Variants in DLEC1 observed in about 807,000 individuals in gnomAD.
DLEC1 encodes deleted in lung and esophageal cancer protein 1.
A neutral mutation model predicts 198.1 loss-of-function variants in DLEC1; 146 were observed. That is an observed-to-expected ratio of 0.74 (90% CI 0.64 to 0.85). The LOEUF is 0.85. Ranked by LOEUF, DLEC1 falls within the 40% of genes least tolerant of loss-of-function variation. The pLI is 0.00. For missense variants in DLEC1, 2,233 were observed against 2,220.0 expected, an observed-to-expected ratio of 1.01 and a Z score of -0.12; for synonymous variants, 897 against 866.8, an observed-to-expected ratio of 1.03 and a Z score of -0.61.
intron 1 of DLEC1, among the ~76,000 whole-genome samples, chr3:38,042,096 G>A (rs1443352778): frequency 1.3e-5 from 2 of 151,964 alleles, no homozygotes; most frequent in Admixed American, 6.6e-5. Flanking sequence ...GGGTTCAAGC[G>A]ATTCTCCTGC....
intron 7 of DLEC1, among the ~76,000 whole-genome samples, chr3:38,084,894 G>GC: frequency 6.6e-6 from 1 of 152,156 alleles, no homozygotes; most frequent in Middle Eastern, 3.4e-3. Flanking sequence ...CTCAGCAGCA[G>GC]CCCCCCAGCC....
intron 26 of DLEC1, among the ~76,000 whole-genome samples, 191 bp from the exon 27 acceptor site, chr3:38,114,792 G>A (rs923492823): frequency 3.9e-5 from 6 of 152,184 alleles, no homozygotes; most frequent in Non-Finnish European, 7.4e-5. Context: ...CCAGGGCACA[G>A]GGCAGCCCCA....
At chr3:38,057,803 T>C (rs1184512104) in intron 2 of DLEC1, among the ~76,000 whole-genome samples, 1 of 149,738 alleles carries the variant, frequency 6.7e-6, no homozygotes, top group East Asian at 2.0e-4. Context: ...ACTTGGATAC[T>C]CACTGTATTA....
At chr3:38,057,116 A>C (rs1481272290) in intron 2 of DLEC1, among the ~76,000 whole-genome samples, 2 of 152,244 alleles carry the variant, frequency 1.3e-5, no homozygotes, top group Non-Finnish European at 2.9e-5. Context: ...GAGACAGCTC[A>C]GGGGTGCATC....
chr3:38,082,161 C>T (rs1415119941), intron 6 of DLEC1, among the ~76,000 whole-genome samples: 13 of 143,354 alleles, frequency 9.1e-5, no homozygotes, highest in East Asian at 4.3e-4. Flanking sequence ...CCAGATGGGG[C>T]GGCGGGGCAG....
intron 10 of DLEC1, among the ~76,000 whole-genome samples, chr3:38,091,860 G>A (rs1698760167): frequency 6.6e-6 from 1 of 152,128 alleles, no homozygotes; most frequent in South Asian, 2.1e-4. Context: ...GGTAAGTGTT[G>A]GCGAGGATGT....
intron 1 of DLEC1, 25 bp downstream of exon 1, chr3:38,039,661 T>A (rs1310644427): frequency 6.3e-7 from 1 of 1,576,848 alleles, no homozygotes; most frequent in Non-Finnish European, 8.6e-7. Context: ...GCGTCGCGTC[T>A]GCGGACGGTG....
Position 38,063,857 on chromosome 3 carries a change from G to T in DLEC1, c.1111G>T (p.Val371Leu). The T allele has an allele frequency of 6.2e-7, 1 of 1,613,546 alleles. No homozygotes were observed. Among genetic ancestry groups the T allele is most frequent in the Non-Finnish European group, 8.5e-7 (1 of 1,179,682 alleles). Residue 371 changes from valine to leucine, a missense_variant, in exon 6 of 37, where the codon GTG becomes TTG. Transcript: ENST00000308059. ...ATCCCACAGTTGTGCTGATACTCCA[G>T]TGTTTCTAGCTAAGCCACCAATTGG... is the stretch of plus-strand genomic sequence containing the variant. ...EPEQSCADTP[V>L]FLAKPPIGFF...
chr3:38,079,759 G>C (rs1339589408), intron 6 of DLEC1, among the ~76,000 whole-genome samples: 1 of 152,180 alleles, frequency 6.6e-6, no homozygotes, highest in African/African-American at 2.4e-5. Context: ...GGGGGAGGAG[G>C]TTCTGGAGGA....
chr3:38,086,153 T>G, intron 8 of DLEC1, 88 bp from the exon 9 acceptor site: 4 of 1,511,956 alleles, frequency 2.6e-6, no homozygotes, highest in Non-Finnish European at 3.6e-6. Flanking sequence ...TGTCCTGATC[T>G]CTGGCTGTAC....
Position 38,084,236 on chromosome 3 carries a change from C to G in DLEC1, c.1252C>G (p.Leu418Val). The G allele has an allele frequency of 6.2e-7, 1 of 1,612,306 alleles. No individual in the cohort carries two copies. Among genetic ancestry groups the G allele is most frequent in the Non-Finnish European group, 8.5e-7 (1 of 1,178,950 alleles). The change falls in exon 7 of 37, where the codon CTG becomes GTG. Residue 418 changes from leucine (L) to valine (V), a missense_variant. Leu to Val is a conservative substitution (Grantham distance 32). Transcript: ENST00000308059. ...VLPPSTPYFA[L>V]GLGMFPGKGG... The stretch of plus-strand genomic sequence containing the variant: ...CCCGCCTTCCACGCCATACTTCGCT[C>G]TGGGACTGGGTAAGTTCAGTATTTG...
rs1317003814 is a variant in DLEC1, at chr3:38,096,674, G to A, written c.2277G>A (p.Glu759=). ...TAGAACCTTTCCAGGTTCTCTTAGAGCCATATGCCCTCATCATCCCAGGGG... is the reference window on the plus strand; with the variant it reads ...TAGAACCTTTCCAGGTTCTCTTAGAACCATATGCCCTCATCATCCCAGGGG... ...GSVEPFQVLL[E]PYALIIPGEN... The change falls in exon 15 of 37, where the codon GAG becomes GAA. Residue 759 remains glutamate (E), a synonymous_variant. Transcript: ENST00000308059. 6.2e-7 allele frequency: 1 copy of A among 1,613,550 alleles called. No homozygotes were observed. Among genetic ancestry groups the A allele is most frequent in the Non-Finnish European group, 8.5e-7 (1 of 1,179,990 alleles).
At chr3:38,048,333 G>C (rs1700969488) in intron 2 of DLEC1, among the ~76,000 whole-genome samples, 1 of 152,142 alleles carries the variant, frequency 6.6e-6, no homozygotes, top group Admixed American at 6.5e-5. Flanking sequence ...GAAAATTCTT[G>C]AAAATTATCA....
intron 1 of DLEC1, among the ~76,000 whole-genome samples, chr3:38,039,956 G>T (rs1700578217): frequency 6.6e-6 from 1 of 152,218 alleles, no homozygotes; most frequent in African/African-American, 2.4e-5. Context: ...TCCATGGAGA[G>T]GATAAAGCCA....
chr3:38,115,676 G>A (rs1700116707), intron 27 of DLEC1, among the ~76,000 whole-genome samples: 1 of 152,150 alleles, frequency 6.6e-6, no homozygotes, highest in Non-Finnish European at 1.5e-5. Flanking sequence ...GGGAGGGGAA[G>A]ATGGGTTCGA....
In DLEC1 at chr3:38,052,939, G is replaced by A. The variant is rs372475003; in HGVS notation, c.563-6803G>A. Among the ~76,000 whole-genome samples, 19 of 152,334 alleles carry A rather than the reference G, an allele frequency of 1.2e-4. No individual in the cohort carries two copies. The East Asian group carries it at 1.4e-3, about 11-fold the overall frequency. ...CGAGTGCCTGAGATTGCAGGGGCGCGCCGCCACGCCTGACTGGTTTTCGTA... is the reference window on the plus strand; with the variant it reads ...CGAGTGCCTGAGATTGCAGGGGCGCACCGCCACGCCTGACTGGTTTTCGTA... On this transcript the variant is annotated intron_variant, in intron 2 of 36. Transcript: ENST00000308059.
At chr3:38,095,749 G>T (rs1270750334) in intron 13 of DLEC1, 139 bp from the exon 14 acceptor site, 46 of 1,056,936 alleles carry the variant, frequency 4.4e-5, no homozygotes, top group Non-Finnish European at 6.5e-5. Context: ...GAGGCAGCAG[G>T]GAAGCAACCC....
At position 38,094,750 on chromosome 3, in the gene DLEC1, G is replaced by C; in HGVS notation, c.1920-129G>C. The C allele has an allele frequency of 1.0e-5, 11 of 1,084,516 alleles. No individual in the cohort carries two copies. The South Asian group carries it at 1.1e-4, about 11-fold the overall frequency. The allele number at this position is 1,084,516 out of a possible 1,614,324, so 67.2% of individuals were successfully genotyped here. ...GGTCCTCCATTGGAAGGGTGTGAAG[G>C]CTGACCTGGTTTCTTCCTGTTCCTA... is the stretch of plus-strand genomic sequence containing the variant. On this transcript the variant is annotated intron_variant, in intron 12 of 36. Transcript: ENST00000308059.
At chr3:38,068,107 A>C (rs1475238215) in intron 6 of DLEC1, among the ~76,000 whole-genome samples, 1 of 152,140 alleles carries the variant, frequency 6.6e-6, no homozygotes. Context: ...AGATTGCATC[A>C]CATTTTATGA....
Sources: gnomAD v4.1 joint callset for allele counts (sites outside exome capture counted in the v4.1 genomes callset) on GRCh38, gnomAD v4.1.1 for gene constraint, MANE v1.5 for transcripts, NCBI Gene and HGNC (gene_info 2026-07-23, HGNC 2026-07-21) for gene names.